Variants in KHDRBS2 observed in about 807,000 individuals in gnomAD.
KHDRBS2 encodes KH RNA binding domain containing, signal transduction associated 2, also known as KH domain-containing, RNA-binding, signal transduction-associated protein 2.
KHDRBS2 carries 26 observed loss-of-function variants against 44.3 expected under a neutral mutation model. The ratio of observed to expected loss-of-function variants is 0.59; its 90% CI spans 0.43 to 0.81. The LOEUF (loss-of-function observed/expected upper bound fraction) is 0.81. Among genes scored for constraint, KHDRBS2 ranks in the 40% least tolerant of loss-of-function variants. The pLI, the probability that KHDRBS2 is intolerant of heterozygous loss-of-function variation, is 0.00. For missense variants in KHDRBS2, 476 were observed against 433.1 expected, an observed-to-expected ratio of 1.10 and a Z score of -0.88; for synonymous variants, 194 against 151.1, an observed-to-expected ratio of 1.28 and a Z score of -2.08.
At chr6:61,842,495 A>G (rs190443708) in intron 6 of KHDRBS2, among the ~76,000 whole-genome samples, 2 of 152,322 alleles carry the variant, frequency 1.3e-5, no homozygotes, top group Non-Finnish European at 2.9e-5. Context: ...TAGCTGTGTC[A>G]TAATTATCTA....
chr6:61,589,709 T>A, the KHDRBS2 span, among the ~76,000 whole-genome samples: 2 of 152,296 alleles, frequency 1.3e-5, no homozygotes, highest in East Asian at 3.9e-4. Flanking sequence ...TTCTATGTCT[T>A]CCTTGCCCCA....
chr6:62,247,368 G>A (rs76292204), intron 1 of KHDRBS2, among the ~76,000 whole-genome samples: 151,772 of 151,772 alleles, frequency 1, 75,886 homozygotes, highest in Non-Finnish European at 1. Flanking sequence ...TTACTAGTGC[G>A]CCAGCCTAGC....
At chr6:61,976,540 T>C (rs1772708498) in intron 4 of KHDRBS2, among the ~76,000 whole-genome samples, 1 of 152,134 alleles carries the variant, frequency 6.6e-6, no homozygotes, top group African/African-American at 2.4e-5. Context: ...GATATTTCTA[T>C]TATATTTTCT....
chr6:62,179,008 T>A (rs1183831513), intron 1 of KHDRBS2, among the ~76,000 whole-genome samples: 1 of 151,622 alleles, frequency 6.6e-6, no homozygotes. Context: ...ATATATTTTA[T>A]CTAATAGTTT....
chr6:61,612,952 A>T, the KHDRBS2 span, among the ~76,000 whole-genome samples: 1 of 139,466 alleles, frequency 7.2e-6, no homozygotes, highest in African/African-American at 2.7e-5. Context: ...TCCTGGGTTC[A>T]CGCCATTTTC....
chr6:62,130,213 C>T (rs145978633), intron 2 of KHDRBS2, among the ~76,000 whole-genome samples: 2 of 152,124 alleles, frequency 1.3e-5, no homozygotes, highest in Non-Finnish European at 2.9e-5. Flanking sequence ...GTGGTAGAAT[C>T]ATCCCCTTTA....
intron 6 of KHDRBS2, among the ~76,000 whole-genome samples, chr6:61,824,606 A>G (rs1790543770): frequency 6.6e-6 from 1 of 152,146 alleles, no homozygotes; most frequent in South Asian, 2.1e-4. Flanking sequence ...ACTTTGCCCT[A>G]AAATTGGAAC....
At chr6:62,175,189 T>G (rs79644054) in intron 2 of KHDRBS2, among the ~76,000 whole-genome samples, 8 of 151,688 alleles carry the variant, frequency 5.3e-5, no homozygotes, top group Non-Finnish European at 8.9e-5. Flanking sequence ...TCACTCTTTT[T>G]CTATCAAAAA....
At chr6:62,085,224 G>T (rs1211804710) in intron 2 of KHDRBS2, among the ~76,000 whole-genome samples, 1 of 152,116 alleles carries the variant, frequency 6.6e-6, no homozygotes, top group African/African-American at 2.4e-5. Context: ...GGTGAAGCTA[G>T]CTAGATGAAA....
intron 4 of KHDRBS2, among the ~76,000 whole-genome samples, chr6:61,933,777 G>T (rs910417638): frequency 6.6e-6 from 1 of 152,206 alleles, no homozygotes; most frequent in East Asian, 1.9e-4. Context: ...ATCTATAATT[G>T]AATGAAATAT....
chr6:61,848,413 T>G (rs1192016), intron 6 of KHDRBS2, among the ~76,000 whole-genome samples: 163 of 141,632 alleles, frequency 1.2e-3, no homozygotes, highest in Non-Finnish European at 1.9e-3. Context: ...CTCCCCCATC[T>G]AGAAATGCAG....
intron 3 of KHDRBS2, among the ~76,000 whole-genome samples, chr6:62,022,490 G>A (rs746347456): frequency 1.3e-5 from 2 of 151,588 alleles, no homozygotes; most frequent in Non-Finnish European, 3.0e-5. Context: ...CATCTTACTA[G>A]GTGAAGAAAT....
At chr6:61,910,206 G>C (rs1805804010) in intron 4 of KHDRBS2, among the ~76,000 whole-genome samples, 1 of 152,200 alleles carries the variant, frequency 6.6e-6, no homozygotes, top group South Asian at 2.1e-4. Context: ...CGCTGTGGTG[G>C]ATGTTATTTA....
At chr6:61,592,654 AAGTAT>A in the KHDRBS2 span, among the ~76,000 whole-genome samples, 1 of 152,210 alleles carries the variant, frequency 6.6e-6, no homozygotes, top group East Asian at 1.9e-4. Context: ...TATTTCAAAG[AAGTAT>A]ATTTTAGGGT....
chr6:62,198,215 G>T (rs544155282), intron 1 of KHDRBS2, among the ~76,000 whole-genome samples: 1 of 152,172 alleles, frequency 6.6e-6, no homozygotes, highest in South Asian at 2.1e-4. Context: ...AAAGCCAGCC[G>T]AAGGCAATAA....
intron 1 of KHDRBS2, among the ~76,000 whole-genome samples, chr6:62,276,398 C>T (rs1375905219): frequency 1.3e-5 from 2 of 152,174 alleles, no homozygotes; most frequent in African/African-American, 4.8e-5. Context: ...TTGTTCTTTG[C>T]TTCTAGAAGA....
At chr6:62,047,294 A>G (rs1318877430) in intron 3 of KHDRBS2, among the ~76,000 whole-genome samples, 1 of 151,986 alleles carries the variant, frequency 6.6e-6, no homozygotes, top group African/African-American at 2.4e-5. Context: ...ATAAGAAATA[A>G]TGTAGTACAG....
At chr6:61,873,427 T>C (rs1798946661) in intron 6 of KHDRBS2, among the ~76,000 whole-genome samples, 1 of 151,974 alleles carries the variant, frequency 6.6e-6, no homozygotes, top group South Asian at 2.1e-4. Context: ...AATAAAAATG[T>C]TAATTAAAAC....
At chr6:61,895,133 A>C (rs564837708) in intron 5 of KHDRBS2, among the ~76,000 whole-genome samples, 1 of 151,814 alleles carries the variant, frequency 6.6e-6, no homozygotes, top group Admixed American at 6.6e-5. Flanking sequence ...AAAAAAAAAA[A>C]AAACCCAAAC....
Sources: gnomAD v4.1 joint callset for allele counts (sites outside exome capture counted in the v4.1 genomes callset) on GRCh38, gnomAD v4.1.1 for gene constraint, MANE v1.5 for transcripts, NCBI Gene and HGNC (gene_info 2026-07-23, HGNC 2026-07-21) for gene names.